CCDC9: variants seen among roughly 807,000 people sequenced by gnomAD.
CCDC9 encodes coiled-coil domain containing 9.
Under a neutral mutation model 65.6 loss-of-function variants are expected in CCDC9, and 52 were observed. That is an observed-to-expected ratio of 0.79 (90% CI 0.63 to 1.00). The LOEUF (loss-of-function observed/expected upper bound fraction) is 1.00, where lower values mean the gene tolerates loss of function less well. Ranked by LOEUF, CCDC9 falls within the 50% of genes least tolerant of loss-of-function variation. CCDC9 has a pLI of 0.00. For synonymous variants in CCDC9, 332 were observed against 280.3 expected (o/e 1.18, Z -1.84); for missense variants, 834 against 757.2 (o/e 1.10, Z -1.19).
chr19:47,275,269 A>G (rs890359193), downstream of CCDC9: 3 of 1,542,666 alleles, frequency 1.9e-6, no homozygotes, highest in East Asian at 2.5e-5. Flanking sequence ...CGCCGCCGCT[A>G]CAGCGACCCT....
Position 47,260,423 on chromosome 19 carries a change from G to C in CCDC9, c.210+1G>C, listed in dbSNP as rs774489752. ...GAAGGAGAACGTGGCAGTGGAGTCG[G>C]TGAGCTCGTCACTGGGGTGTGGGAC... is the stretch of plus-strand genomic sequence containing the variant. On this transcript the variant is annotated splice_donor_variant, in intron 4 of 11. Coordinates refer to ENST00000221922, the MANE Select transcript of CCDC9 (RefSeq NM_015603.3). LOFTEE classifies it high-confidence loss of function. 6.2e-7 allele frequency: 1 copy of C among 1,608,848 alleles called. No individual in the cohort carries two copies. The highest frequency in any genetic ancestry group is 8.5e-7 in the Non-Finnish European group (1 of 1,177,650).
rs1255463822 is a variant in CCDC9, at chr19:47,270,610, A to G, written c.1007A>G (p.Gln336Arg). The change falls in exon 10 of 12, where the codon CAG (glutamine) becomes CGG (arginine). Residue 336 changes from glutamine (Q) to arginine (R), a missense_variant. Physicochemically the swap from Gln to Arg is conservative, Grantham distance 43. Transcript: ENST00000221922. ...KPPTFGEFLSQHKAEASSRRR... is the reference protein window; with the variant it reads ...KPPTFGEFLSRHKAEASSRRR... Reference sequence around the variant, plus strand: ...CCTACTTTTGGGGAGTTCCTGTCCCAGCACAAAGCTGAGGCCAGCAGCCGC... The same window carrying G: ...CCTACTTTTGGGGAGTTCCTGTCCCGGCACAAAGCTGAGGCCAGCAGCCGC... 1 of 1,613,372 alleles carries G rather than the reference A, an allele frequency of 6.2e-7. No individual in the cohort carries two copies. The highest frequency in any genetic ancestry group is 2.2e-5 in the East Asian group (1 of 44,890).
At position 47,271,160 on chromosome 19, in the gene CCDC9, G is replaced by T. The variant is rs1235332672; in HGVS notation, c.1164G>T (p.Glu388Asp). 4 of 1,594,738 alleles carry T rather than the reference G, an allele frequency of 2.5e-6. No individual in the cohort carries two copies. Among genetic ancestry groups the T allele is most frequent in the Non-Finnish European group, 3.4e-6 (4 of 1,172,490 alleles). ...AGACTCCACAGCCTACTTCCCCCGA[G>T]ACTTCCCCCAAGGAGACACCCATGC... The part of the protein sequence containing the change: ...APETPQPTSP[E>D]TSPKETPMQP... The change falls in exon 11 of 12, where the codon GAG becomes GAT. Residue 388 changes from glutamate to aspartate, a missense_variant. Physicochemically the swap from Glu to Asp is conservative, Grantham distance 45. Transcript: ENST00000221922.
chr19:47,272,553 C>T (rs1472111967), downstream of CCDC9, among the ~76,000 whole-genome samples: 1 of 151,910 alleles, frequency 6.6e-6, no homozygotes, highest in South Asian at 2.1e-4. Flanking sequence ...ACCTGGGAGG[C>T]GGAGGCTGCA....
chr19:47,274,496 CAGGT>C (rs1173849452), downstream of CCDC9: 4 of 155,612 alleles, frequency 2.6e-5, no homozygotes, highest in African/African-American at 7.3e-5. Flanking sequence ...AGCAGTCCGA[CAGGT>C]AGAGAAGTGA....
chr19:47,258,012 GC>G, intron 1 of CCDC9: 3 of 273,550 alleles, frequency 1.1e-5, no homozygotes, highest in Admixed American at 5.0e-5. Flanking sequence ...GGGTGTGGCG[GC>G]TGGCCTAGAA....
chr19:47,275,473 G>T (rs1029119749), downstream of CCDC9: 2 of 1,336,852 alleles, frequency 1.5e-6, no homozygotes, highest in Admixed American at 6.4e-5. Flanking sequence ...CTCTGGAGCC[G>T]TCATCCCGCG....
chr19:47,271,642 C>CT lies in CCDC9; in HGVS notation c.1561dup (p.Ser521PhefsTer4), dbSNP rs1484348223. On this transcript the variant is annotated frameshift_variant, in exon 12 of 12. Transcript: ENST00000221922. LOFTEE classifies it high-confidence loss of function. The stretch of plus-strand genomic sequence containing the variant: ...GGACCACTCACCTGGCTGGCGCCCT[C>CT]TCCCCGGGTGAGGCCTGGCCTTTTG... 6.2e-7 allele frequency: 1 copy of CT among 1,605,788 alleles called. No individual in the cohort carries two copies. The highest frequency in any genetic ancestry group is 8.5e-7 in the Non-Finnish European group (1 of 1,175,734).
rs185347854 is a variant in CCDC9 at position 47,260,789 on chromosome 19, C to T, written c.412C>T (p.Pro138Ser). ...CCGGAGGGGCCGGGGCCGAGGTTCACCTCACCTCTCTGGAGCTGGAGACAC... is the reference window on the plus strand; with the variant it reads ...CCGGAGGGGCCGGGGCCGAGGTTCATCTCACCTCTCTGGAGCTGGAGACAC... ...RGRRGRGRGS[P>S]HLSGAGDTSI... The change falls in exon 5 of 12, where the codon CCT (proline) becomes TCT (serine). Residue 138 changes from proline (P) to serine (S), a missense_variant. By Grantham distance (74) the Pro-to-Ser change is moderately conservative. Transcript: ENST00000221922. The T allele has an allele frequency of 1.9e-6, 3 of 1,613,294 alleles. No homozygotes were observed. The African/African-American group carries it at 4.0e-5, about 22-fold the overall frequency.
intron 1 of CCDC9, 175 bp from the exon 2 acceptor site, chr19:47,258,155 C>G (rs1256381447): frequency 1.7e-6 from 1 of 584,084 alleles, no homozygotes; most frequent in East Asian, 2.9e-5. Context: ...AGGGCTGAGT[C>G]TGAATTTCTA....
chr19:47,273,493 GC>G, downstream of CCDC9: 2 of 683,148 alleles, frequency 2.9e-6, no homozygotes, highest in Non-Finnish European at 2.1e-6. Flanking sequence ...TCCGCGCTCT[GC>G]ACTAACCTCC....
chr19:47,270,638 A>G lies in CCDC9; in HGVS notation c.1035A>G (p.Arg345=). 6.2e-7 allele frequency: 1 copy of G among 1,612,856 alleles called. No homozygotes were observed. The highest frequency in any genetic ancestry group is 8.5e-7 in the Non-Finnish European group (1 of 1,180,030). The stretch of plus-strand genomic sequence containing the variant: ...ACAAAGCTGAGGCCAGCAGCCGCAG[A>G]AGGAGAAAGAGCAGTCGGCCCCAGG... ...SQHKAEASSR[R]RRKSSRPQAK... Residue 345 remains arginine, a synonymous_variant, in exon 10 of 12, where the codon AGA becomes AGG. Coordinates refer to ENST00000221922, the MANE Select transcript of CCDC9 (RefSeq NM_015603.3).
At position 47,260,354 on chromosome 19, in the gene CCDC9, G is replaced by T; in HGVS notation, c.142G>T (p.Glu48Ter). The T allele has an allele frequency of 6.2e-7, 1 of 1,600,924 alleles. No homozygotes were observed. The highest frequency in any genetic ancestry group is 1.1e-5 in the South Asian group (1 of 89,056). The change falls in exon 4 of 12, where the codon GAG becomes TAG. Residue 48 changes from glutamate to a stop codon, truncating the protein, a stop_gained. Transcript: ENST00000221922. LOFTEE classifies it high-confidence loss of function. ...GGAAGACCGTAAGAAAGCTGAACTT[G>T]AGGGAGTCGCAGTCACAGCTCCCCG... Reference protein sequence around the residue: ...IEEDRKKAELEGVAVTAPRKG... With the variant: ...IEEDRKKAEL
At chr19:47,259,184 A>C (rs1600275990) in intron 3 of CCDC9, among the ~76,000 whole-genome samples, 1 of 152,294 alleles carries the variant, frequency 6.6e-6, no homozygotes, top group South Asian at 2.1e-4. Flanking sequence ...TGTTGGAAGC[A>C]AGAGAGAGCT....
At chr19:47,257,374 G>C (rs941280314) in intron 1 of CCDC9, among the ~76,000 whole-genome samples, 2 of 150,924 alleles carry the variant, frequency 1.3e-5, no homozygotes, top group African/African-American at 4.9e-5. Flanking sequence ...CGGGGAAAGA[G>C]CGTGGCTGGG....
chr19:47,258,186 G>T (rs2059023124), intron 1 of CCDC9, 144 bp from the exon 2 acceptor site: 3 of 601,796 alleles, frequency 5.0e-6, no homozygotes, highest in African/African-American at 1.9e-5. Flanking sequence ...GGAGGTGGCA[G>T]TTGAAAGGAG....
At chr19:47,275,353 C>A (rs751951655), downstream of CCDC9, 2 of 1,536,914 alleles carry the variant, frequency 1.3e-6, no homozygotes, top group Non-Finnish European at 1.8e-6. Context: ...GGGTAACTCT[C>A]CCTTCCACCC....
chr19:47,273,640 G>T (rs778658645), downstream of CCDC9: 2 of 393,592 alleles, frequency 5.1e-6, no homozygotes, highest in Non-Finnish European at 8.9e-6. Flanking sequence ...ACCAACGGGG[G>T]ACGTCACGGC....
chr19:47,258,317 C>T lies in CCDC9; in HGVS notation c.-71-13C>T, dbSNP rs935385997. On this transcript the variant is annotated splice_polypyrimidine_tract_variant and intron_variant, in intron 1 of 11. Transcript: ENST00000221922. Reference sequence around the variant, plus strand: ...GCCATTGGCCTTTGTCCTTTTTTTCCCTCTGTCCCCAGGAACCCTCAGTGC... The same window carrying T: ...GCCATTGGCCTTTGTCCTTTTTTTCTCTCTGTCCCCAGGAACCCTCAGTGC... The T allele has an allele frequency of 2.7e-5, 41 of 1,493,218 alleles. No individual in the cohort carries two copies. Among genetic ancestry groups the T allele is most frequent in the Admixed American group, 2.6e-4 (15 of 57,914 alleles). The allele number at this position is 1,493,218 out of a possible 1,614,324, so 92.5% of individuals were successfully genotyped here.
Sources: gnomAD v4.1 joint callset for allele counts (sites outside exome capture counted in the v4.1 genomes callset) on GRCh38, gnomAD v4.1.1 for gene constraint, MANE v1.5 for transcripts, NCBI Gene and HGNC (gene_info 2026-07-23, HGNC 2026-07-21) for gene names.